The following NRXN3 variants were observed in gnomAD, a reference collection of about 807,000 sequenced individuals.
NRXN3 encodes neurexin III.
A neutral mutation model predicts 137.6 loss-of-function variants in NRXN3; 32 were observed. That is an observed-to-expected ratio of 0.23 (90% CI 0.18 to 0.31). The LOEUF (loss-of-function observed/expected upper bound fraction) is 0.31, where lower values mean the gene tolerates loss of function less well. NRXN3 is among the 10% of genes least tolerant of loss of function. The pLI is 1.00. For missense variants in NRXN3, 1,574 were observed against 2,062.5 expected (o/e 0.76, Z 4.59); for synonymous variants, 798 against 784.5 (o/e 1.02, Z -0.29).
intron 16 of NRXN3, among the ~76,000 whole-genome samples, chr14:79,606,658 A>C (rs961929495): frequency 6.6e-6 from 1 of 152,202 alleles, no homozygotes; most frequent in Non-Finnish European, 1.5e-5. Context: ...TAATACTGGA[A>C]ATTTTAATAA....
chr14:79,345,242 C>T (rs1460016032), intron 15 of NRXN3, among the ~76,000 whole-genome samples: 3 of 152,008 alleles, frequency 2.0e-5, no homozygotes, highest in East Asian at 1.9e-4. Context: ...AACACCCTTT[C>T]GTGTTTCAAA....
At chr14:78,761,201 A>T (rs1177438130) in intron 8 of NRXN3, among the ~76,000 whole-genome samples, 1 of 152,158 alleles carries the variant, frequency 6.6e-6, no homozygotes, top group Non-Finnish European at 1.5e-5. Flanking sequence ...ACCATTCACA[A>T]TATGTGTTTC....
chr14:79,199,580 A>G (rs1021755312), intron 15 of NRXN3, among the ~76,000 whole-genome samples: 3 of 152,240 alleles, frequency 2.0e-5, no homozygotes, highest in Non-Finnish European at 4.4e-5. Flanking sequence ...TGAACAACAT[A>G]TGAGAAAAAA....
chr14:78,715,613 C>G (rs2098427906), intron 8 of NRXN3, among the ~76,000 whole-genome samples: 2 of 152,120 alleles, frequency 1.3e-5, no homozygotes, highest in African/African-American at 4.8e-5. Context: ...TGATTACAAA[C>G]ATGGTGAGTT....
chr14:78,909,167 G>A (rs939131099), intron 10 of NRXN3, among the ~76,000 whole-genome samples: 1 of 152,070 alleles, frequency 6.6e-6, no homozygotes, highest in African/African-American at 2.4e-5. Flanking sequence ...TTAAACAAGC[G>A]GGATCAAAAT....
intron 16 of NRXN3, among the ~76,000 whole-genome samples, chr14:79,607,002 A>T (rs925456977): frequency 6.6e-5 from 10 of 152,216 alleles, no homozygotes; most frequent in Non-Finnish European, 1.0e-4. Flanking sequence ...AATATTGTTC[A>T]TGAAACTTCT....
intron 4 of NRXN3, among the ~76,000 whole-genome samples, chr14:78,351,610 G>T (rs1277488135): frequency 6.6e-6 from 1 of 151,980 alleles, no homozygotes. Context: ...TCCCTTTTCT[G>T]TGAGTTATTT....
chr14:79,513,508 G>A (rs968596190), intron 16 of NRXN3, among the ~76,000 whole-genome samples: 1 of 152,148 alleles, frequency 6.6e-6, no homozygotes, highest in Admixed American at 6.5e-5. Flanking sequence ...GTGAATAAAA[G>A]AAGACAAAAC....
chr14:79,041,735 G>A (rs2099625361), intron 15 of NRXN3, among the ~76,000 whole-genome samples: 1 of 152,160 alleles, frequency 6.6e-6, no homozygotes, highest in African/African-American at 2.4e-5. Flanking sequence ...TGGAAGCAAT[G>A]TAAAAAGAAG....
At chr14:78,250,587 C>A (rs1482040054) in intron 2 of NRXN3, among the ~76,000 whole-genome samples, 1 of 152,224 alleles carries the variant, frequency 6.6e-6, no homozygotes, top group African/African-American at 2.4e-5. Flanking sequence ...GGATTCAGGG[C>A]TCTGCCGGCA....
chr14:78,831,618 G>A lies in NRXN3; in HGVS notation c.2275+21274G>A, dbSNP rs140254351. Among the ~76,000 whole-genome samples, 413 of 151,180 alleles carry A rather than the reference G, an allele frequency of 2.7e-3. 3 individuals carry two copies. The highest frequency in any genetic ancestry group is 9.6e-3 in the African/African-American group (395 of 41,192). On this transcript the variant is annotated intron_variant, in intron 10 of 20. Transcript: ENST00000335750. ...TGCAATTTTAGCAGAGTTTTCATGG[G>A]TGAATATCAACATCTGTTGCTCCAT...
intron 10 of NRXN3, among the ~76,000 whole-genome samples, chr14:78,879,095 T>C (rs1428017862): frequency 6.6e-6 from 1 of 152,200 alleles, no homozygotes; most frequent in Non-Finnish European, 1.5e-5. Context: ...TCTTTTTCCA[T>C]TTCCATTTAT....
chr14:78,705,803 C>G (rs1284334934), intron 6 of NRXN3, among the ~76,000 whole-genome samples: 2 of 152,152 alleles, frequency 1.3e-5, no homozygotes, highest in African/African-American at 4.8e-5. Context: ...AGTGAAAACT[C>G]CATATAAATA....
At chr14:79,546,307 A>G (rs1405358418) in intron 16 of NRXN3, among the ~76,000 whole-genome samples, 1 of 152,278 alleles carries the variant, frequency 6.6e-6, no homozygotes, top group Non-Finnish European at 1.5e-5. Flanking sequence ...TACAATTGTT[A>G]TGTTTACATA....
chr14:78,236,178 T>C (rs981385039), intron 1 of NRXN3, among the ~76,000 whole-genome samples: 9 of 152,228 alleles, frequency 5.9e-5, no homozygotes, highest in African/African-American at 1.9e-4. Flanking sequence ...ACAGCTCCCT[T>C]GTTGCATTTT....
At chr14:79,058,022 A>G (rs913640591) in intron 15 of NRXN3, among the ~76,000 whole-genome samples, 2 of 152,190 alleles carry the variant, frequency 1.3e-5, no homozygotes, top group Non-Finnish European at 2.9e-5. Flanking sequence ...TCTTTCAGAC[A>G]GGTTAAAAAT....
rs1753126269 is a variant in NRXN3, at chr14:78,716,497, TA to T, written c.2044+1360del. Among the ~76,000 whole-genome samples, 3 of 152,318 alleles carry T rather than the reference TA, an allele frequency of 2.0e-5. No homozygotes were observed. In the South Asian group the frequency reaches 6.2e-4, roughly 32 times the overall value. On this transcript the variant is annotated intron_variant, in intron 8 of 20. Transcript: ENST00000335750. ...TATAATAAGCTGTAATAAGATGATGTAAGACAGTAGCATGTTAGTGGACAGA... is the reference window on the plus strand; with the variant it reads ...TATAATAAGCTGTAATAAGATGATGTAGACAGTAGCATGTTAGTGGACAGA...
intron 2 of NRXN3, among the ~76,000 whole-genome samples, chr14:78,267,937 A>C (rs1456261771): frequency 2.0e-5 from 3 of 152,140 alleles, no homozygotes; most frequent in African/African-American, 7.2e-5. Context: ...CTGGTCAATA[A>C]ATGTTAGCTA....
intron 4 of NRXN3, among the ~76,000 whole-genome samples, chr14:78,555,705 G>T (rs12434281): frequency 0.031 from 4,722 of 152,236 alleles, 91 homozygotes; most frequent in Non-Finnish European, 0.037. Flanking sequence ...TTAGATGTAG[G>T]CATGGAGCTA....
Sources: allele counts gnomAD v4.1 joint callset (sites outside exome capture counted in the v4.1 genomes callset), GRCh38; gene constraint gnomAD v4.1.1; transcripts MANE v1.5; gene names NCBI Gene and HGNC (gene_info 2026-07-23, HGNC 2026-07-21).